The following SFXN5 variants were observed in gnomAD, a reference collection of about 807,000 sequenced individuals.
SFXN5 encodes sideroflexin-5.
In SFXN5, 43 loss-of-function variants were observed where a neutral mutation model predicts 50.2. The observed-to-expected ratio is 0.86, with a 90% CI of 0.67 to 1.11. SFXN5 has a LOEUF of 1.11. Among genes scored for constraint, SFXN5 ranks in the 50% least tolerant of loss-of-function variants. The pLI, the probability that SFXN5 is intolerant of heterozygous loss-of-function variation, is 0.00. For missense variants in SFXN5, 463 were observed against 454.1 expected (o/e 1.02, Z -0.18); for synonymous variants, 203 against 185.8 (o/e 1.09, Z -0.75).
intron 2 of SFXN5, among the ~76,000 whole-genome samples, chr2:73,047,572 A>G (rs1680672798): frequency 6.6e-6 from 1 of 151,642 alleles, no homozygotes; most frequent in South Asian, 2.1e-4. Flanking sequence ...TACTGTTCTC[A>G]TAGTAGTGAA....
At chr2:73,032,861 A>G (rs899426171) in intron 3 of SFXN5, among the ~76,000 whole-genome samples, 5 of 152,232 alleles carry the variant, frequency 3.3e-5, no homozygotes, top group African/African-American at 1.2e-4. Context: ...GGCCAATCGC[A>G]TTATACCTCA....
intron 6 of SFXN5, among the ~76,000 whole-genome samples, chr2:73,009,184 C>T (rs1194688016): frequency 1.3e-5 from 2 of 152,202 alleles, no homozygotes; most frequent in Non-Finnish European, 2.9e-5. Context: ...TTTTCTTACC[C>T]ACTCCATCAG....
intron 6 of SFXN5, among the ~76,000 whole-genome samples, chr2:73,016,388 G>A (rs897702497): frequency 1.3e-4 from 20 of 152,202 alleles, no homozygotes; most frequent in African/African-American, 4.1e-4. Flanking sequence ...TCTATAAATC[G>A]ATATACAGTG....
intron 13 of SFXN5, among the ~76,000 whole-genome samples, chr2:72,946,633 C>T (rs560228523): frequency 2.4e-4 from 37 of 152,132 alleles, no homozygotes; most frequent in Non-Finnish European, 4.9e-4. Flanking sequence ...TGGAACTGAA[C>T]CTGCCCTCTC....
chr2:73,047,180 T>C (rs1306321751), intron 2 of SFXN5, among the ~76,000 whole-genome samples: 1 of 126,152 alleles, frequency 7.9e-6, no homozygotes, highest in Non-Finnish European at 1.6e-5. Context: ...ATCGCACCAC[T>C]GCACTCCAGC....
chr2:72,984,676 G>T (rs1671689789), intron 10 of SFXN5, among the ~76,000 whole-genome samples: 1 of 152,174 alleles, frequency 6.6e-6, no homozygotes, highest in Admixed American at 6.5e-5. Context: ...GGGAATATGA[G>T]GGGAGCCGTG....
intron 13 of SFXN5, among the ~76,000 whole-genome samples, chr2:72,958,568 G>C (rs545696334): frequency 2.0e-5 from 3 of 152,322 alleles, no homozygotes; most frequent in Admixed American, 1.3e-4. Context: ...TAGAAGCACA[G>C]AGGTACCTAT....
At chr2:72,972,703 G>A (rs1670161087) in intron 10 of SFXN5, among the ~76,000 whole-genome samples, 1 of 151,944 alleles carries the variant, frequency 6.6e-6, no homozygotes, top group South Asian at 2.1e-4. Context: ...CAGGTGGGGA[G>A]TGGGGGGTGA....
In SFXN5 at chr2:72,968,470, T is replaced by C; in HGVS notation, c.805A>G (p.Ile269Val). 6.2e-7 allele frequency: 1 copy of C among 1,612,632 alleles called. No individual in the cohort carries two copies. Among genetic ancestry groups the C allele is most frequent in the Non-Finnish European group, 8.5e-7 (1 of 1,179,804 alleles). ...CACTTCTCCAGCATGGACATGACGA[T>C]CGGGGGTAGCACCAGGATGGGCATG... ...LPMPILVLPP[I>V]VMSMLEKTAL... Residue 269 changes from isoleucine to valine, a missense_variant, in exon 12 of 14, where the codon ATC becomes GTC. Coordinates refer to ENST00000272433, the MANE Select transcript of SFXN5 (RefSeq NM_144579.3).
intron 6 of SFXN5, among the ~76,000 whole-genome samples, chr2:73,017,421 T>C (rs1170854816): frequency 6.6e-6 from 1 of 152,208 alleles, no homozygotes; most frequent in African/African-American, 2.4e-5. Context: ...TAAACCTAAC[T>C]GTGTATCAAG....
chr2:72,998,665 T>C, intron 9 of SFXN5: 2 of 448,064 alleles, frequency 4.5e-6, no homozygotes, highest in South Asian at 6.8e-5. Flanking sequence ...CCGAGCAGAG[T>C]GCTGGGCAAC....
intron 13 of SFXN5, chr2:72,957,202 G>C (rs1022995748): frequency 2.5e-6 from 1 of 393,234 alleles, no homozygotes; most frequent in East Asian, 7.3e-5. Context: ...CCATCTGACT[G>C]TCTAGGAATC....
intron 13 of SFXN5, among the ~76,000 whole-genome samples, chr2:72,947,846 C>A (rs1469979381): frequency 6.6e-6 from 1 of 151,402 alleles, no homozygotes; most frequent in Non-Finnish European, 1.5e-5. Flanking sequence ...CCAGTCCCCT[C>A]CACCCTGCCG....
chr2:72,985,934 G>A (rs1671863395), intron 10 of SFXN5, among the ~76,000 whole-genome samples: 1 of 152,212 alleles, frequency 6.6e-6, no homozygotes, highest in Admixed American at 6.5e-5. Context: ...GGCCAGTAGG[G>A]CTGGAATGGG....
intron 12 of SFXN5, among the ~76,000 whole-genome samples, chr2:72,962,063 G>A (rs1034719827): frequency 6.6e-6 from 1 of 152,230 alleles, no homozygotes; most frequent in Non-Finnish European, 1.5e-5. Flanking sequence ...CATACCAGCT[G>A]GCCAATGTGC....
chr2:72,984,800 G>A (rs907748885), intron 10 of SFXN5, among the ~76,000 whole-genome samples: 13 of 152,170 alleles, frequency 8.5e-5, no homozygotes, highest in Admixed American at 5.9e-4. Flanking sequence ...AGGAGACAGC[G>A]GGTAGAATGG....
intron 2 of SFXN5, among the ~76,000 whole-genome samples, chr2:73,047,011 G>C (rs1186922145): frequency 6.7e-6 from 1 of 150,346 alleles, no homozygotes; most frequent in African/African-American, 2.4e-5. Context: ...TGGATCATGA[G>C]GTCAGGAGTT....
chr2:72,998,896 G>A (rs375109714), intron 9 of SFXN5, 53 bp downstream of exon 9: 31 of 1,578,804 alleles, frequency 2.0e-5, no homozygotes, highest in South Asian at 3.4e-5. Context: ...AATGCTGAGC[G>A]GGGTGGCCCC....
intron 13 of SFXN5, among the ~76,000 whole-genome samples, chr2:72,946,694 G>A (rs1671972978): frequency 6.6e-6 from 1 of 151,994 alleles, no homozygotes; most frequent in Admixed American, 6.6e-5. Context: ...CCATCCAGTG[G>A]TGCTCTGCCC....
Sources: allele counts gnomAD v4.1 joint callset (sites outside exome capture counted in the v4.1 genomes callset), GRCh38; gene constraint gnomAD v4.1.1; transcripts MANE v1.5; gene names NCBI Gene and HGNC (gene_info 2026-07-23, HGNC 2026-07-21).